Variants in PRKG1 observed in about 807,000 individuals in gnomAD.
PRKG1 encodes protein kinase cGMP-dependent 1, also known as cGMP-dependent protein kinase 1.
PRKG1 carries 35 observed loss-of-function variants against 88.1 expected under a neutral mutation model. The observed-to-expected ratio is 0.40, with a 90% CI of 0.30 to 0.53. The LOEUF is 0.53. Ranked by LOEUF, PRKG1 falls within the 20% of genes least tolerant of loss-of-function variation. The pLI is 0.59. For synonymous variants in PRKG1, 303 were observed against 292.5 expected (o/e 1.04, Z -0.37); for missense variants, 540 against 839.8 (o/e 0.64, Z 4.41).
chr10:51,459,624 C>A lies in PRKG1; in HGVS notation c.479-8099C>A, dbSNP rs535409532. 6.6e-5 allele frequency among the ~76,000 whole-genome samples: 10 copies of A among 152,112 alleles called. No homozygotes were observed. In the South Asian group the frequency reaches 2.1e-3, roughly 32 times the overall value. Reference sequence around the variant, plus strand: ...CCTAGGAAATAAGATACTATTATCCCAAATATGTAGTGAGGTAATCCATGC... The same window carrying A: ...CCTAGGAAATAAGATACTATTATCCAAAATATGTAGTGAGGTAATCCATGC... On this transcript the variant is annotated intron_variant, in intron 2 of 17. Coordinates refer to ENST00000373980, the MANE Select transcript of PRKG1 (RefSeq NM_006258.4).
chr10:52,203,462 A>G (rs1021507085), intron 9 of PRKG1, among the ~76,000 whole-genome samples: 3 of 152,206 alleles, frequency 2.0e-5, no homozygotes, highest in African/African-American at 7.2e-5. Flanking sequence ...AGTATGTGCC[A>G]TATGCAGATG....
At chr10:51,911,277 A>G (rs1169181406) in intron 5 of PRKG1, 1 of 151,528 alleles carries the variant, frequency 6.6e-6, no homozygotes, top group Non-Finnish European at 1.5e-5. Flanking sequence ...TGTTGTTTTT[A>G]AATCAAACTA....
At chr10:52,150,177 A>AATAATAATAATAATAATG (rs1837870599) in intron 8 of PRKG1, among the ~76,000 whole-genome samples, 2 of 106,742 alleles carry the variant, frequency 1.9e-5, no homozygotes, top group African/African-American at 6.2e-5. Flanking sequence ...TAATAATAAT[A>AATAATAATAATAATAATG]ATAATAATTT....
chr10:51,389,512 G>A (rs1307410299), intron 2 of PRKG1, among the ~76,000 whole-genome samples: 1 of 151,984 alleles, frequency 6.6e-6, no homozygotes, highest in Non-Finnish European at 1.5e-5. Flanking sequence ...CCTTGGTATT[G>A]CCTGTCAGCC....
chr10:51,109,238 T>A (rs1844920592), intron 1 of PRKG1, among the ~76,000 whole-genome samples: 1 of 152,054 alleles, frequency 6.6e-6, no homozygotes, highest in Non-Finnish European at 1.5e-5. Flanking sequence ...AATTTTAAAA[T>A]TCACATGGAA....
At chr10:51,287,988 A>T (rs942721713) in intron 2 of PRKG1, among the ~76,000 whole-genome samples, 1 of 152,096 alleles carries the variant, frequency 6.6e-6, no homozygotes, top group Non-Finnish European at 1.5e-5. Flanking sequence ...TCTGGATCCT[A>T]TGTATTTTGT....
chr10:51,707,261 T>C (rs968788721), intron 3 of PRKG1, among the ~76,000 whole-genome samples: 2 of 152,202 alleles, frequency 1.3e-5, no homozygotes, highest in Non-Finnish European at 2.9e-5. Context: ...CCATTTTTAT[T>C]AAAAGGGCCT....
intron 1 of PRKG1, among the ~76,000 whole-genome samples, chr10:50,996,567 C>T (rs1007448085): frequency 6.6e-6 from 1 of 152,170 alleles, no homozygotes; most frequent in Non-Finnish European, 1.5e-5. Flanking sequence ...CTCAGTTAGC[C>T]CTGCTCTTGG....
At chr10:52,127,039 G>T (rs915860669) in intron 7 of PRKG1, among the ~76,000 whole-genome samples, 2 of 152,084 alleles carry the variant, frequency 1.3e-5, no homozygotes, top group East Asian at 3.9e-4. Context: ...GAGGCGAGGG[G>T]ATCACTTAGG....
Position 51,191,096 on chromosome 10 carries a change from TGTTTATCA to T in PRKG1, c.478+37771_478+37778del, listed in dbSNP as rs765291830. ...ACCTTGATATATTCCTCCTAAGATT[TGTTTATCA>T]GTTTGAGCTCATTGAATCTCTGACC... On this transcript the variant is annotated intron_variant, in intron 2 of 17. Transcript: ENST00000373980. Among the ~76,000 whole-genome samples the T allele has an allele frequency of 1.0e-3, 157 of 152,012 alleles. 1 individual carries two copies. The Middle Eastern group carries it at 0.014, about 13-fold the overall frequency.
chr10:51,946,210 T>G (rs1291342165), intron 5 of PRKG1, among the ~76,000 whole-genome samples: 1 of 152,112 alleles, frequency 6.6e-6, no homozygotes, highest in Non-Finnish European at 1.5e-5. Context: ...TTCATTCATT[T>G]GATCTTCCAT....
At chr10:51,354,165 A>T (rs117901064) in intron 2 of PRKG1, among the ~76,000 whole-genome samples, 2 of 148,746 alleles carry the variant, frequency 1.3e-5, no homozygotes, top group East Asian at 2.0e-4. Context: ...AAGGGTCGTG[A>T]TGGGGGCAGA....
intron 3 of PRKG1, among the ~76,000 whole-genome samples, chr10:51,480,367 C>T (rs774075030): frequency 2.0e-5 from 3 of 152,136 alleles, no homozygotes; most frequent in East Asian, 1.9e-4. Flanking sequence ...AATATTCCTA[C>T]GCCTTATCTA....
intron 3 of PRKG1, among the ~76,000 whole-genome samples, chr10:51,728,496 C>T (rs889064633): frequency 7.3e-6 from 1 of 136,874 alleles, no homozygotes; most frequent in African/African-American, 2.8e-5. Flanking sequence ...GAAGCAAAAC[C>T]ACAAAATCCT....
chr10:52,137,857 T>C (rs923603816), intron 8 of PRKG1, among the ~76,000 whole-genome samples: 42 of 152,260 alleles, frequency 2.8e-4, no homozygotes, highest in African/African-American at 9.9e-4. Flanking sequence ...TGTAATCTGT[T>C]ATGCAATGTC....
chr10:51,590,453 T>G (rs1295613190), intron 3 of PRKG1, among the ~76,000 whole-genome samples: 2 of 152,218 alleles, frequency 1.3e-5, no homozygotes, highest in Non-Finnish European at 2.9e-5. Flanking sequence ...AAGAGGATAT[T>G]AATGTTCTTT....
At chr10:51,697,879 G>C in intron 3 of PRKG1, 1 of 1,613,282 alleles carries the variant, frequency 6.2e-7, no homozygotes, top group Non-Finnish European at 8.5e-7. Context: ...TGCTAGGCTG[G>C]CTTCCACCTT....
chr10:52,125,296 C>T (rs2132619166), intron 7 of PRKG1, among the ~76,000 whole-genome samples: 1 of 152,202 alleles, frequency 6.6e-6, no homozygotes, highest in East Asian at 1.9e-4. Context: ...ACCAAAATGT[C>T]ATTGTGTGGT....
intron 4 of PRKG1, among the ~76,000 whole-genome samples, chr10:51,820,265 C>T (rs1310731369): frequency 1.3e-5 from 2 of 152,080 alleles, no homozygotes; most frequent in African/African-American, 4.8e-5. Flanking sequence ...AATATTATAT[C>T]CTTCCATGTT....
Sources: gnomAD v4.1 joint callset for allele counts (sites outside exome capture counted in the v4.1 genomes callset) on GRCh38, gnomAD v4.1.1 for gene constraint, MANE v1.5 for transcripts, NCBI Gene and HGNC (gene_info 2026-07-23, HGNC 2026-07-21) for gene names.